The following ZC3H15 variants were observed in gnomAD, a reference collection of about 807,000 sequenced individuals.
ZC3H15 encodes the protein zinc finger CCCH-type containing 15.
A neutral mutation model predicts 51.2 loss-of-function variants in ZC3H15; 15 were observed. The observed-to-expected ratio is 0.29, with a 90% CI of 0.20 to 0.45. The LOEUF is 0.45. Among genes scored for constraint, ZC3H15 ranks in the 20% least tolerant of loss-of-function variants. The pLI is 1.00. For synonymous variants in ZC3H15, 144 were observed against 162.8 expected (o/e 0.88, Z 0.88); for missense variants, 381 against 494.7 (o/e 0.77, Z 2.18).
At chr2:186,500,379 ATAATGAGACAGTTAT>A in intron 3 of ZC3H15, 86 bp downstream of exon 3, 2 of 1,121,186 alleles carry the variant, frequency 1.8e-6, no homozygotes, top group Non-Finnish European at 2.5e-6. Context: ...TTTTCTTTAG[ATAATGAGACAGTTAT>A]GTCTGAATGA....
At chr2:186,508,254 G>A (rs759561993) in intron 9 of ZC3H15, among the ~76,000 whole-genome samples, 3 of 152,130 alleles carry the variant, frequency 2.0e-5, no homozygotes, top group Non-Finnish European at 4.4e-5. Flanking sequence ...TAATTGCTAG[G>A]TCATGTAGGG....
intron 1 of ZC3H15, among the ~76,000 whole-genome samples, chr2:186,492,269 A>G (rs1439842415): frequency 6.6e-6 from 1 of 152,126 alleles, no homozygotes; most frequent in East Asian, 1.9e-4. Flanking sequence ...AAAGTATGGC[A>G]TTTTATACTT....
At chr2:186,486,992 T>C (rs1292883497) in intron 1 of ZC3H15, 1 of 152,684 alleles carries the variant, frequency 6.5e-6, no homozygotes, top group Non-Finnish European at 1.5e-5. Context: ...GGAAGGACTT[T>C]CCGTCACAAC....
chr2:186,499,148 C>T (rs1217661929), intron 2 of ZC3H15, among the ~76,000 whole-genome samples: 1 of 152,172 alleles, frequency 6.6e-6, no homozygotes, highest in Non-Finnish European at 1.5e-5. Flanking sequence ...TCCATCCTTA[C>T]CAGTAATGCT....
Position 186,508,698 on chromosome 2 carries a change from G to C in ZC3H15, c.1246G>C (p.Glu416Gln). The C allele has an allele frequency of 6.2e-7, 1 of 1,613,998 alleles. No individual in the cohort carries two copies. The change falls in exon 10 of 10, where the codon GAA (glutamate) becomes CAA (glutamine). Residue 416 changes from glutamate to glutamine, a missense_variant. Coordinates refer to ENST00000337859, the MANE Select transcript of ZC3H15 (RefSeq NM_018471.3). ...LFTGEDLDEL[E>Q]EELNTLDLEE ...CACTGGAGAGGATTTGGATGAACTA[G>C]AAGAAGAATTAAATACACTTGATTT...
At chr2:186,496,787 G>A (rs149208375) in intron 2 of ZC3H15, among the ~76,000 whole-genome samples, 116 of 152,314 alleles carry the variant, frequency 7.6e-4, no homozygotes, top group African/African-American at 2.7e-3. Context: ...GTAGGCAGTT[G>A]TAACACATTA....
At chr2:186,508,493 A>G (rs914294681) in intron 9 of ZC3H15, 50 bp from the exon 10 acceptor site, 3 of 1,528,770 alleles carry the variant, frequency 2.0e-6, no homozygotes, top group Admixed American at 3.5e-5. Context: ...GCTAATGTGG[A>G]ATGGTGTTTT....
chr2:186,490,930 A>G (rs1685187488), intron 1 of ZC3H15, among the ~76,000 whole-genome samples: 1 of 152,168 alleles, frequency 6.6e-6, no homozygotes, highest in Non-Finnish European at 1.5e-5. Flanking sequence ...TTATTAATCC[A>G]ATGAGGACCA....
At chr2:186,505,082 T>TTGTC (rs1310698174) in intron 6 of ZC3H15, 2 of 153,126 alleles carry the variant, frequency 1.3e-5, no homozygotes, top group African/African-American at 4.8e-5. Flanking sequence ...GTTTGTTTGT[T>TTGTC]TGTTTAGTTT....
At position 186,508,589 on chromosome 2, in the gene ZC3H15, A is replaced by C; in HGVS notation, c.1137A>C (p.Glu379Asp). The C allele has an allele frequency of 6.2e-7, 1 of 1,614,074 alleles. No individual in the cohort carries two copies. Among genetic ancestry groups the C allele is most frequent in the Non-Finnish European group, 8.5e-7 (1 of 1,179,982 alleles). ...EASGGRAENG[E>D]RSDLEEDNER... ...CTGGAGGTAGGGCTGAAAATGGTGA[A>C]AGAAGTGACTTGGAAGAGGACAACG... is the stretch of plus-strand genomic sequence containing the variant. Residue 379 changes from glutamate (E) to aspartate (D), a missense_variant, in exon 10 of 10, where the codon GAA (glutamate) becomes GAC (aspartate). Glu to Asp is a conservative substitution (Grantham distance 45). Transcript: ENST00000337859.
chr2:186,504,236 C>A, intron 6 of ZC3H15, 22 bp downstream of exon 6: 1 of 1,524,116 alleles, frequency 6.6e-7, no homozygotes, highest in East Asian at 2.4e-5. Context: ...CCTTTTCCTA[C>A]CATAAAAACT....
chr2:186,501,402 C>A lies in ZC3H15; in HGVS notation c.419C>A (p.Ala140Glu). The A allele has an allele frequency of 6.2e-7, 1 of 1,610,352 alleles. No individual in the cohort carries two copies. The highest frequency in any genetic ancestry group is 8.5e-7 in the Non-Finnish European group (1 of 1,178,840). ...KCEKRSVYID[A>E]RDEELEKDTM... Reference sequence around the variant, plus strand: ...GAAAAGCGAAGTGTTTACATTGATGCAAGAGATGAAGAACTTGAAAAAGGT... The same window carrying A: ...GAAAAGCGAAGTGTTTACATTGATGAAAGAGATGAAGAACTTGAAAAAGGT... The change falls in exon 4 of 10, where the codon GCA (alanine) becomes GAA (glutamate). Residue 140 changes from alanine to glutamate, a missense_variant. Ala to Glu is a moderately radical substitution (Grantham distance 107, BLOSUM62 -1). Around this residue, in one of 3 missense-constraint regions of ZC3H15, gnomAD observed 125 missense variants for 166.3 expected, o/e 0.75. Transcript: ENST00000337859.
At chr2:186,506,872 A>C in intron 9 of ZC3H15, 36 bp downstream of exon 9, 1 of 1,595,252 alleles carries the variant, frequency 6.3e-7, no homozygotes. Flanking sequence ...TTTAAGAACT[A>C]GGAAGTTATC....
intron 2 of ZC3H15, among the ~76,000 whole-genome samples, chr2:186,498,865 C>T (rs1232145486): frequency 6.6e-6 from 1 of 152,150 alleles, no homozygotes; most frequent in Non-Finnish European, 1.5e-5. Context: ...GCTGCTATTT[C>T]TAAAGTCTTT....
At position 186,505,812 on chromosome 2, in the gene ZC3H15, C is replaced by G; in HGVS notation, c.937C>G (p.Arg313Gly). ...NDDDEEADDT[R>G]YTQGTGGDEV... ...TGATGATGAGGAAGCAGATGATACC[C>G]GCTACACCCAGGGAACAGGTGGTGA... Residue 313 changes from arginine (R) to glycine (G), a missense_variant, in exon 8 of 10, where the codon CGC (arginine) becomes GGC (glycine). Transcript: ENST00000337859. The G allele has an allele frequency of 1.9e-6, 3 of 1,613,984 alleles. No individual in the cohort carries two copies. The highest frequency in any genetic ancestry group is 2.5e-6 in the Non-Finnish European group (3 of 1,179,982).
intron 5 of ZC3H15, among the ~76,000 whole-genome samples, chr2:186,503,796 CTG>C (rs1457772543): frequency 1.3e-5 from 2 of 152,152 alleles, no homozygotes; most frequent in African/African-American, 4.8e-5. Flanking sequence ...CAAATGAAAA[CTG>C]TATAGATTCC....
chr2:186,500,971 C>T (rs1019500798), intron 3 of ZC3H15, among the ~76,000 whole-genome samples: 3 of 152,166 alleles, frequency 2.0e-5, no homozygotes, highest in African/African-American at 7.2e-5. Context: ...CCATGCCTGG[C>T]CTCCTTTTTG....
chr2:186,501,838 A>G (rs1685390100), intron 4 of ZC3H15, among the ~76,000 whole-genome samples: 2 of 151,834 alleles, frequency 1.3e-5, no homozygotes, highest in African/African-American at 4.8e-5. Flanking sequence ...CAGCCTCCCA[A>G]GTAGCTGGGT....
rs1411937545 is a variant in ZC3H15 at position 186,502,577 on chromosome 2, A to G, written c.524A>G (p.Lys175Arg). 6.2e-7 allele frequency: 1 copy of G among 1,610,618 alleles called. No homozygotes were observed. ...KHGEAEKKKP[K>R]TQIVCKHFLE... ...GGTGAGGCGGAAAAGAAAAAACCAA[A>G]AACTCAAATAGTATGTCCTTTTCTT... Residue 175 changes from lysine to arginine, a missense_variant, in exon 5 of 10, where the codon AAA (lysine) becomes AGA (arginine). Around this residue, in one of 3 missense-constraint regions of ZC3H15, gnomAD observed 41 missense variants for 86.5 expected, o/e 0.47. Coordinates refer to ENST00000337859, the MANE Select transcript of ZC3H15 (RefSeq NM_018471.3).
Sources: gnomAD v4.1 joint callset for allele counts (sites outside exome capture counted in the v4.1 genomes callset) on GRCh38, gnomAD v4.1.1 for gene constraint, gnomAD v4.1.1 regional missense constraint, MANE v1.5 for transcripts, NCBI Gene and HGNC (gene_info 2026-07-23, HGNC 2026-07-21) for gene names.